The following HNRNPU variants were observed in gnomAD, a reference collection of about 807,000 sequenced individuals.
HNRNPU encodes the protein HNRNPU antisense RNA 1.
A neutral mutation model predicts 94.7 loss-of-function variants in HNRNPU; 5 were observed. The observed-to-expected ratio is 0.05, with a 90% CI of 0.03 to 0.11. HNRNPU has a LOEUF of 0.11. Ranked by LOEUF, HNRNPU falls within the 10% of genes least tolerant of loss-of-function variation. The pLI is 1.00. For missense variants in HNRNPU, 710 were observed against 1,049.2 expected, an observed-to-expected ratio of 0.68 and a Z score of 4.47; for synonymous variants, 434 against 381.6, an observed-to-expected ratio of 1.14 and a Z score of -1.60.
chr1:244,861,576 A>G (rs1680830350), intron 3 of HNRNPU: 2 of 152,232 alleles, frequency 1.3e-5, no homozygotes, highest in Non-Finnish European at 2.9e-5. Flanking sequence ...AATAAAGCCA[A>G]TTTGTACAAG....
chr1:244,858,432 G>A, intron 6 of HNRNPU, 158 bp from the exon 7 acceptor site: 1 of 659,186 alleles, frequency 1.5e-6, no homozygotes, highest in Non-Finnish European at 2.6e-6. Context: ...AAATCTGATG[G>A]TTGTAAACCA....
intron 1 of HNRNPU, 91 bp downstream of exon 1, chr1:244,863,526 C>G: frequency 7.9e-7 from 1 of 1,262,238 alleles, no homozygotes; most frequent in Non-Finnish European, 9.9e-7. Flanking sequence ...GCCCGGGGCT[C>G]CCTCCCCCTG....
chr1:244,851,782 G>A lies in HNRNPU; in HGVS notation c.*2668C>T, dbSNP rs1028692503. 6 of 152,180 alleles carry A rather than the reference G, an allele frequency of 3.9e-5. No homozygotes were observed. The highest frequency in any genetic ancestry group is 5.9e-5 in the Non-Finnish European group (4 of 68,034). 9.4% of individuals were successfully genotyped at this position (152,180 alleles called of 1,614,324 possible). A position where few individuals can be genotyped will look rare whatever the true frequency, so the allele number is the denominator to read the frequency against. On this transcript the variant is annotated 3_prime_UTR_variant, in exon 14 of 14. Coordinates refer to ENST00000640218, the MANE Select transcript of HNRNPU (RefSeq NM_031844.3). ...TCAGAGCCAGAGCCCTTCAAAGGCTGTATGTGAGTATATGAGGGAAAACTT... is the reference window on the plus strand; with the variant it reads ...TCAGAGCCAGAGCCCTTCAAAGGCTATATGTGAGTATATGAGGGAAAACTT...
At position 244,856,044 on chromosome 1, in the gene HNRNPU, G is replaced by A. The variant is rs554662754; in HGVS notation, c.2027C>T (p.Ala676Val). The A allele has an allele frequency of 6.2e-7, 1 of 1,614,032 alleles. No individual in the cohort carries two copies. The highest frequency in any genetic ancestry group is 2.2e-5 in the East Asian group (1 of 44,850). Residue 676 changes from alanine (A) to valine (V), a missense_variant, in exon 11 of 14, where the codon GCT becomes GTT. Ala to Val is a moderately conservative substitution (Grantham distance 64). Around this residue, in one of 8 missense-constraint regions of HNRNPU, gnomAD observed 152 missense variants for 238.9 expected, o/e 0.64. Transcript: ENST00000640218. ...LEQYKEESKKALPPEKKQNTG... is the reference protein window; with the variant it reads ...LEQYKEESKKVLPPEKKQNTG... ...GTTCTGTTTCTTTTCTGGTGGAAGAGCCTTTTTGCTTTCTTCCTTATATTG... is the reference window on the plus strand; with the variant it reads ...GTTCTGTTTCTTTTCTGGTGGAAGAACCTTTTTGCTTTCTTCCTTATATTG...
Position 244,862,655 on chromosome 1 carries a change from C to A in HNRNPU, c.767G>T (p.Gly256Val). The A allele has an allele frequency of 2.5e-6, 4 of 1,614,062 alleles. No homozygotes were observed. Among genetic ancestry groups the A allele is most frequent in the Non-Finnish European group, 3.4e-6 (4 of 1,179,914 alleles). The change falls in exon 2 of 14, where the codon GGA (glycine) becomes GTA (valine). Residue 256 changes from glycine (G) to valine (V), a missense_variant. Physicochemically the swap from Gly to Val is moderately radical, Grantham distance 109. Around this residue, in one of 8 missense-constraint regions of HNRNPU, gnomAD observed 13 missense variants for 45.3 expected, o/e 0.29. Transcript: ENST00000640218. Reference protein sequence around the residue: ...VKRPREDHGRGYFEYIEENKY... With the variant: ...VKRPREDHGRVYFEYIEENKY... Reference sequence around the variant, plus strand: ...GTTCTCTTCAATGTACTCAAAATATCCACGGCCATGATCTTCTCGTGGTCT... The same window carrying A: ...GTTCTCTTCAATGTACTCAAAATATACACGGCCATGATCTTCTCGTGGTCT...
rs1025812901 is a variant in HNRNPU at position 244,855,408 on chromosome 1, G to A, written c.2352+16C>T. The stretch of plus-strand genomic sequence containing the variant: ...TACAGTTATCAATCATGCTTCCAGG[G>A]ATCTTGAATCATTACCTGGTTGTAG... On this transcript the variant is annotated intron_variant, in intron 12 of 13. Transcript: ENST00000640218. 1 of 1,608,746 alleles carries A rather than the reference G, an allele frequency of 6.2e-7. No homozygotes were observed. Among genetic ancestry groups the A allele is most frequent in the Non-Finnish European group, 8.5e-7 (1 of 1,176,462 alleles).
At chr1:244,859,575 T>C (rs1436150743) in intron 4 of HNRNPU, 2 of 384,612 alleles carry the variant, frequency 5.2e-6, no homozygotes, top group Non-Finnish European at 9.2e-6. Flanking sequence ...AATACTTATT[T>C]GACCCATATT....
chr1:244,858,649 C>T (rs1208481557), intron 6 of HNRNPU, 80 bp downstream of exon 6: 2 of 754,176 alleles, frequency 2.7e-6, no homozygotes, highest in Non-Finnish European at 4.6e-6. Flanking sequence ...TGAAAACTGA[C>T]CTCAGTAAAG....
At chr1:244,855,827 T>C in intron 11 of HNRNPU, 77 bp downstream of exon 11, 2 of 1,531,250 alleles carry the variant, frequency 1.3e-6, no homozygotes, top group Admixed American at 3.9e-5. Context: ...AGGAAGAAAC[T>C]TCAGCTACAT....
chr1:244,855,201 TTTTAA>T, intron 12 of HNRNPU, 157 bp from the exon 13 acceptor site: 4 of 716,098 alleles, frequency 5.6e-6, no homozygotes, highest in Non-Finnish European at 9.5e-6. Context: ...GTTTCTTATG[TTTTAA>T]TTTTTTATTC....
intron 5 of HNRNPU, 46 bp downstream of exon 5, chr1:244,859,229 C>A: frequency 4.2e-6 from 4 of 945,926 alleles, no homozygotes; most frequent in South Asian, 2.7e-5. Context: ...GAAATCAGAC[C>A]CTCCTGAACA....
chr1:244,855,513 G>A lies in HNRNPU; in HGVS notation c.2263C>T (p.Arg755Cys), dbSNP rs934976347. The part of the protein sequence containing the change: ...GSGGIGYPYP[R>C]APVFPGRGSY... The stretch of plus-strand genomic sequence containing the variant: ...CCACGGCCAGGAAAAACAGGGGCAC[G>A]AGGGTATGGATAGCCGATTCCACCA... The change falls in exon 12 of 14, where the codon CGT becomes TGT. Residue 755 changes from arginine to cysteine, a missense_variant. Physicochemically the swap from Arg to Cys is radical, Grantham distance 180. This residue lies in a region of HNRNPU where 152 missense variants were observed against 238.9 expected (regional missense o/e 0.64). Transcript: ENST00000640218. 1.9e-6 allele frequency: 3 copies of A among 1,614,030 alleles called. No individual in the cohort carries two copies. Among genetic ancestry groups the A allele is most frequent in the East Asian group, 2.2e-5 (1 of 44,872 alleles).
At chr1:244,858,295 C>G in intron 6 of HNRNPU, 21 bp from the exon 7 acceptor site, 1 of 1,602,650 alleles carries the variant, frequency 6.2e-7, no homozygotes, top group Middle Eastern at 1.7e-4. Flanking sequence ...GAAAAAAATT[C>G]AACAGTTAAA....
At chr1:244,854,703 CTT>C (rs1680629357) in intron 13 of HNRNPU, 200 bp from the exon 14 acceptor site, 1 of 554,380 alleles carries the variant, frequency 1.8e-6, no homozygotes, top group South Asian at 2.7e-5. Flanking sequence ...AACATCATGA[CTT>C]TGTTAGTTTA....
At position 244,852,316 on chromosome 1, in the gene HNRNPU, C is replaced by A. The variant is rs1325229418; in HGVS notation, c.*2134G>T. 6.6e-6 allele frequency: 1 copy of A among 152,148 alleles called. No homozygotes were observed. Among genetic ancestry groups the A allele is most frequent in the Non-Finnish European group, 1.5e-5 (1 of 68,018 alleles). The allele number at this position is 152,148 out of a possible 1,614,324, so 9.4% of individuals were successfully genotyped here. A position where few individuals can be genotyped will look rare whatever the true frequency, so the allele number is the denominator to read the frequency against. On this transcript the variant is annotated 3_prime_UTR_variant, in exon 14 of 14. Coordinates refer to ENST00000640218, the MANE Select transcript of HNRNPU (RefSeq NM_031844.3). ...CCATTTTTATCTATTCTCTCTCCCC[C>A]CAAATTCTCTGGGCTAAACAGGCAT... is the stretch of plus-strand genomic sequence containing the variant.
chr1:244,858,745 A>C lies in HNRNPU; in HGVS notation c.1214T>G (p.Val405Gly). Reference sequence around the variant, plus strand: ...TTAACTTACAGCAAAACATGTAATCACATCATTTTCATCAAACTTTTCTCC... The same window carrying C: ...TTAACTTACAGCAAAACATGTAATCCCATCATTTTCATCAAACTTTTCTCC... Reference protein sequence around the residue: ...DYGEKFDENDVITCFANFESD... With the variant: ...DYGEKFDENDGITCFANFESD... Residue 405 changes from valine to glycine, a missense_variant, in exon 6 of 14, where the codon GTG becomes GGG. This residue lies in a region of HNRNPU where 150 missense variants were observed against 187.9 expected (regional missense o/e 0.80). Coordinates refer to ENST00000640218, the MANE Select transcript of HNRNPU (RefSeq NM_031844.3). 6.4e-7 allele frequency: 1 copy of C among 1,573,052 alleles called. No individual in the cohort carries two copies. The highest frequency in any genetic ancestry group is 8.7e-7 in the Non-Finnish European group (1 of 1,143,368).
chr1:244,863,718 G>A lies in HNRNPU; in HGVS notation c.590C>T (p.Thr197Met). The change falls in exon 1 of 14, where the codon ACG becomes ATG. Residue 197 changes from threonine (T) to methionine (M), a missense_variant. Physicochemically the swap from Thr to Met is moderately conservative, Grantham distance 81. Coordinates refer to ENST00000640218, the MANE Select transcript of HNRNPU (RefSeq NM_031844.3). ...SSGPTSLFAV[T>M]VAPPGARQGQ... is the part of the protein sequence containing the mutation. ...CTGCCTCGCCCCGGGCGGCGCCACCGTCACCGCGAACAGCGAGGTGGGGCC... is the reference window on the plus strand; with the variant it reads ...CTGCCTCGCCCCGGGCGGCGCCACCATCACCGCGAACAGCGAGGTGGGGCC... 1 of 1,568,580 alleles carries A rather than the reference G, an allele frequency of 6.4e-7. No homozygotes were observed. Among genetic ancestry groups the A allele is most frequent in the Non-Finnish European group, 8.6e-7 (1 of 1,164,038 alleles).
chr1:244,863,269 G>GCGCGA (rs1169005730), intron 1 of HNRNPU, among the ~76,000 whole-genome samples: 1 of 145,440 alleles, frequency 6.9e-6, no homozygotes, highest in African/African-American at 2.6e-5. Flanking sequence ...CGCGCACGCA[G>GCGCGA]CGCGACGGCG....
rs745323844 is a variant in HNRNPU at position 244,856,149 on chromosome 1, G to A, written c.1922C>T (p.Thr641Ile). The A allele has an allele frequency of 3.7e-6, 6 of 1,605,492 alleles. No homozygotes were observed. The highest frequency in any genetic ancestry group is 5.1e-6 in the Non-Finnish European group (6 of 1,177,506). The change falls in exon 11 of 14, where the codon ACC (threonine) becomes ATC (isoleucine). Residue 641 changes from threonine to isoleucine, a missense_variant. Around this residue, in one of 8 missense-constraint regions of HNRNPU, gnomAD observed 152 missense variants for 238.9 expected, o/e 0.64. Coordinates refer to ENST00000640218, the MANE Select transcript of HNRNPU (RefSeq NM_031844.3). ...HAVLKMKGNF[T>I]LPEVAECFDE... Reference sequence around the variant, plus strand: ...AAAGCACTCAGCTACCTCTGGGAGGGTAAAGTTTCCTGCAGGAAACAAAGT... The same window carrying A: ...AAAGCACTCAGCTACCTCTGGGAGGATAAAGTTTCCTGCAGGAAACAAAGT...
Sources: gnomAD v4.1 joint callset for allele counts (sites outside exome capture counted in the v4.1 genomes callset) on GRCh38, gnomAD v4.1.1 for gene constraint, gnomAD v4.1.1 regional missense constraint, MANE v1.5 for transcripts, NCBI Gene and HGNC (gene_info 2026-07-23, HGNC 2026-07-21) for gene names.